Variants in AKTIP observed in about 807,000 individuals in gnomAD.
The protein encoded by AKTIP is AKT interacting protein.
A neutral mutation model predicts 39.1 loss-of-function variants in AKTIP; 16 were observed. The ratio of observed to expected loss-of-function variants is 0.41; its 90% CI spans 0.28 to 0.62. The LOEUF (loss-of-function observed/expected upper bound fraction) is 0.62, where lower values mean the gene tolerates loss of function less well. AKTIP is among the 20% of genes least tolerant of loss of function. The pLI is 0.32. For synonymous variants in AKTIP, 93 were observed against 124.3 expected (o/e 0.75, Z 1.67); for missense variants, 262 against 356.6 (o/e 0.73, Z 2.14).
chr16:53,493,031 G>A, intron 8 of AKTIP: 1 of 340,842 alleles, frequency 2.9e-6, no homozygotes, highest in South Asian at 3.6e-5. Flanking sequence ...TGGGTTACCA[G>A]AGCTAAAAAG....
Position 53,492,729 on chromosome 16 carries a change from T to C in AKTIP, c.735A>G (p.Val245=), listed in dbSNP as rs200920195. ...GCATCTTTTCTCTGGCTTCATCATG[T>C]ACAGAAGGATTCCATGGAGAAAAGC... ...AISFSPWNPS[V]HDEAREKMLT... Residue 245 remains valine (V), a synonymous_variant, in exon 9 of 10, where the codon GTA becomes GTG. Coordinates refer to ENST00000394657, the MANE Select transcript of AKTIP (RefSeq NM_022476.4). 6 of 1,614,098 alleles carry C rather than the reference T, an allele frequency of 3.7e-6. No individual in the cohort carries two copies. The Middle Eastern group carries it at 6.6e-4, about 178-fold the overall frequency.
intron 1 of AKTIP, among the ~76,000 whole-genome samples, chr16:53,500,945 G>A (rs1190455744): frequency 3.9e-5 from 6 of 152,128 alleles, no homozygotes; most frequent in Middle Eastern, 3.2e-3. Context: ...CAGAAGATAC[G>A]GACAACAGTT....
intron 3 of AKTIP, among the ~76,000 whole-genome samples, chr16:53,497,941 G>A (rs1364427225): frequency 6.6e-6 from 1 of 152,198 alleles, no homozygotes; most frequent in Non-Finnish European, 1.5e-5. Context: ...TAGAGACGGG[G>A]TTTCACCATC....
intron 8 of AKTIP, 78 bp from the exon 9 acceptor site, chr16:53,492,831 C>G: frequency 8.2e-7 from 1 of 1,225,660 alleles, no homozygotes; most frequent in East Asian, 2.4e-5. Flanking sequence ...CAGTTTTAAG[C>G]CAATTCCCCT....
chr16:53,500,712 T>G (rs62048543), intron 1 of AKTIP, among the ~76,000 whole-genome samples: 3 of 152,064 alleles, frequency 2.0e-5, no homozygotes, highest in African/African-American at 7.3e-5. Context: ...GAATAACTAA[T>G]TATGACACCC....
chr16:53,502,852 G>A (rs1275359434), intron 1 of AKTIP: 1 of 152,154 alleles, frequency 6.6e-6, no homozygotes, highest in Non-Finnish European at 1.5e-5. Flanking sequence ...GGCCGGGGAG[G>A]GCGGGCACGG....
upstream of AKTIP, among the ~76,000 whole-genome samples, chr16:53,503,683 G>C (rs1962322906): frequency 6.6e-6 from 1 of 152,210 alleles, no homozygotes; most frequent in African/African-American, 2.4e-5. Context: ...CAAGCTTTTG[G>C]GGAGGGCCGG....
At chr16:53,504,108 T>A (rs1311922343), upstream of AKTIP, among the ~76,000 whole-genome samples, 24 of 144,550 alleles carry the variant, frequency 1.7e-4, no homozygotes, top group Non-Finnish European at 3.5e-4. Context: ...TTTTTTTTTT[T>A]TAATTCACAC....
chr16:53,499,458 T>G (rs1443062886), intron 2 of AKTIP, among the ~76,000 whole-genome samples: 2 of 151,662 alleles, frequency 1.3e-5, no homozygotes, highest in Non-Finnish European at 2.9e-5. Context: ...AGTTTTTTTT[T>G]TTTTTTTTTC....
chr16:53,504,077 T>C (rs1316370739), upstream of AKTIP, among the ~76,000 whole-genome samples: 2 of 150,330 alleles, frequency 1.3e-5, no homozygotes, highest in Non-Finnish European at 3.0e-5. Flanking sequence ...CATAGCAACA[T>C]AGTTCCTGGT....
At chr16:53,496,596 G>A (rs944624684) in intron 3 of AKTIP, among the ~76,000 whole-genome samples, 5 of 150,502 alleles carry the variant, frequency 3.3e-5, no homozygotes, top group Non-Finnish European at 4.4e-5. Flanking sequence ...TTTGGGAGGC[G>A]CCAAGGCAGG....
In AKTIP at chr16:53,498,027, C is replaced by T. The variant is rs151185911; in HGVS notation, c.248+364G>A. Among the ~76,000 whole-genome samples the T allele has an allele frequency of 3.7e-3, 562 of 152,352 alleles. 3 individuals are homozygous for T. Among genetic ancestry groups the T allele is most frequent in the African/African-American group, 0.013 (534 of 41,582 alleles). On this transcript the variant is annotated intron_variant, in intron 3 of 9. Transcript: ENST00000394657. The stretch of plus-strand genomic sequence containing the variant: ...CCTCCCAAAGTGCTAGGATTATAGG[C>T]GTGAGCCGCCATGCCCGGCCAATCT...
Position 53,492,378 on chromosome 16 carries a change from A to G in AKTIP, c.*34T>C. 6.3e-7 allele frequency: 1 copy of G among 1,585,172 alleles called. No individual in the cohort carries two copies. Among genetic ancestry groups the G allele is most frequent in the Non-Finnish European group, 8.7e-7 (1 of 1,155,912 alleles). Reference sequence around the variant, plus strand: ...AGCTTGAACTAGGCCAGAGTCTAGCAGGAAAGTGCATGGTGCACCAGATTC... The same window carrying G: ...AGCTTGAACTAGGCCAGAGTCTAGCGGGAAAGTGCATGGTGCACCAGATTC... On this transcript the variant is annotated 3_prime_UTR_variant, in exon 10 of 10. Coordinates refer to ENST00000394657, the MANE Select transcript of AKTIP (RefSeq NM_022476.4).
intron 1 of AKTIP, chr16:53,501,076 G>A (rs1258737346): frequency 6.6e-6 from 1 of 152,210 alleles, no homozygotes. Context: ...TAGATACAAG[G>A]AGGCTGATTT....
At position 53,492,598 on chromosome 16, in the gene AKTIP, A is replaced by G. The variant is rs1199552909; in HGVS notation, c.772-79T>C. The G allele has an allele frequency of 9.4e-6, 15 of 1,602,038 alleles. No individual in the cohort carries two copies. The African/African-American group carries it at 1.1e-4, about 11-fold the overall frequency. On this transcript the variant is annotated intron_variant, in intron 9 of 9. Transcript: ENST00000394657. Reference sequence around the variant, plus strand: ...AGCACTGTACAAACTTGTTTCCCAAAAAAAGTTACTTGTATGTAATGAGCA... The same window carrying G: ...AGCACTGTACAAACTTGTTTCCCAAGAAAAGTTACTTGTATGTAATGAGCA...
At chr16:53,498,324 A>C in intron 3 of AKTIP, 67 bp downstream of exon 3, 1 of 1,524,642 alleles carries the variant, frequency 6.6e-7, no homozygotes, top group South Asian at 1.1e-5. Flanking sequence ...CATCCATCAG[A>C]ATAAATTTCA....
chr16:53,501,248 A>G (rs1349691232), intron 1 of AKTIP: 1 of 152,236 alleles, frequency 6.6e-6, no homozygotes, highest in Non-Finnish European at 1.5e-5. Flanking sequence ...ACTGCCTTCT[A>G]CAACTTCGAA....
Position 53,492,150 on chromosome 16 carries a change from A to ATACTT in AKTIP, c.*257_*261dup, listed in dbSNP as rs111904806. ...TACCTTTAGCATTATATTCAGAAAAATACTTACTTAAGCCTCAAGGTCCCC... is the reference window on the plus strand; with the variant it reads ...TACCTTTAGCATTATATTCAGAAAAATACTTTACTTACTTAAGCCTCAAGGTCCCC... On this transcript the variant is annotated 3_prime_UTR_variant, in exon 10 of 10. Coordinates refer to ENST00000394657, the MANE Select transcript of AKTIP (RefSeq NM_022476.4). 1 of 396,734 alleles carries ATACTT rather than the reference A, an allele frequency of 2.5e-6. No homozygotes were observed. The highest frequency in any genetic ancestry group is 4.3e-5 in the East Asian group (1 of 23,306). 24.6% of individuals were successfully genotyped at this position (396,734 alleles called of 1,614,324 possible).
chr16:53,498,155 T>C (rs1777708332), intron 3 of AKTIP, among the ~76,000 whole-genome samples: 1 of 152,236 alleles, frequency 6.6e-6, no homozygotes, highest in Admixed American at 6.5e-5. Context: ...TCACCCGAGC[T>C]CTAAAGAATC....
Sources: gnomAD v4.1 joint callset for allele counts (sites outside exome capture counted in the v4.1 genomes callset) on GRCh38, gnomAD v4.1.1 for gene constraint, MANE v1.5 for transcripts, NCBI Gene and HGNC (gene_info 2026-07-23, HGNC 2026-07-21) for gene names.